SESTD1: variants seen among roughly 807,000 people sequenced by gnomAD.
The protein encoded by SESTD1 is SEC14 and spectrin domain containing 1.
Under a neutral mutation model 101.7 loss-of-function variants are expected in SESTD1, and 43 were observed. That is an observed-to-expected ratio of 0.42 (90% CI 0.33 to 0.55). SESTD1 has a LOEUF of 0.55. SESTD1 is among the 20% of genes least tolerant of loss of function. The pLI is 0.07. For synonymous variants in SESTD1, 283 were observed against 286.8 expected, an observed-to-expected ratio of 0.99 and a Z score of 0.13; for missense variants, 647 against 815.1, an observed-to-expected ratio of 0.79 and a Z score of 2.51.
chr2:179,245,742 CAA>C (rs1250494106), intron 1 of SESTD1, among the ~76,000 whole-genome samples: 1 of 151,776 alleles, frequency 6.6e-6, no homozygotes, highest in African/African-American at 2.4e-5. Flanking sequence ...AGAAAACAGA[CAA>C]AAGAGAAACA....
intron 1 of SESTD1, among the ~76,000 whole-genome samples, chr2:179,247,041 G>A (rs1324860414): frequency 6.6e-6 from 1 of 151,934 alleles, no homozygotes; most frequent in Non-Finnish European, 1.5e-5. Context: ...GATTCCACTT[G>A]GGCACATATT....
chr2:179,240,850 C>T (rs1170632340), intron 1 of SESTD1, among the ~76,000 whole-genome samples: 1 of 152,096 alleles, frequency 6.6e-6, no homozygotes, highest in Non-Finnish European at 1.5e-5. Context: ...ATCCCCCATC[C>T]CTGTTGTGTG....
intron 1 of SESTD1, among the ~76,000 whole-genome samples, chr2:179,207,266 C>A (rs776968990): frequency 7.4e-6 from 1 of 135,090 alleles, no homozygotes; most frequent in Non-Finnish European, 1.6e-5. Flanking sequence ...CACCTCCTGG[C>A]TGGACGCCAA....
chr2:179,231,870 T>C (rs2046993592), intron 1 of SESTD1, among the ~76,000 whole-genome samples: 1 of 151,968 alleles, frequency 6.6e-6, no homozygotes, highest in Non-Finnish European at 1.5e-5. Flanking sequence ...AGAAACACTG[T>C]TTAACGTTAG....
chr2:179,231,087 A>G (rs1234180683), intron 1 of SESTD1, among the ~76,000 whole-genome samples: 3 of 152,194 alleles, frequency 2.0e-5, no homozygotes, highest in African/African-American at 7.2e-5. Context: ...TGTACTACCA[A>G]TATTAAGGCT....
intron 17 of SESTD1, among the ~76,000 whole-genome samples, chr2:179,111,851 C>T (rs1306580504): frequency 3.9e-5 from 6 of 151,936 alleles, no homozygotes; most frequent in Non-Finnish European, 2.9e-5. Flanking sequence ...TCCCGAGTAG[C>T]TGGGACTACA....
In SESTD1 at chr2:179,218,244, A is replaced by G. The variant is rs181832783; in HGVS notation, c.-25-26378T>C. Among the ~76,000 whole-genome samples, 644 of 152,300 alleles carry G rather than the reference A, an allele frequency of 4.2e-3. 2 individuals are homozygous for G. Among genetic ancestry groups the G allele is most frequent in the African/African-American group, 0.014 (594 of 41,566 alleles). ...TACTCTCAAACAAGGAATGAAGCCA[A>G]TAACAGACATTCACCTAATATGAAA... is the stretch of plus-strand genomic sequence containing the variant. On this transcript the variant is annotated intron_variant, in intron 1 of 17. Coordinates refer to ENST00000428443, the MANE Select transcript of SESTD1 (RefSeq NM_178123.5).
chr2:179,241,545 C>T (rs1229826391), intron 1 of SESTD1, among the ~76,000 whole-genome samples: 1 of 152,002 alleles, frequency 6.6e-6, no homozygotes, highest in Non-Finnish European at 1.5e-5. Context: ...AATGAAGTGG[C>T]TCATGATGGG....
rs2044656163 is a variant in SESTD1 at position 179,117,386 on chromosome 2, G to T, written c.1524+146C>A. On this transcript the variant is annotated intron_variant, in intron 14 of 17. Coordinates refer to ENST00000428443, the MANE Select transcript of SESTD1 (RefSeq NM_178123.5). The stretch of plus-strand genomic sequence containing the variant: ...ATCAACTAGCTGGGAATACCAAAGT[G>T]TATTCTTCAACAAGATAGATAAACT... 1.1e-5 allele frequency: 7 copies of T among 609,184 alleles called. No individual in the cohort carries two copies. In the South Asian group the frequency reaches 1.2e-4, roughly 11 times the overall value. The allele number at this position is 609,184 out of a possible 1,614,324, so 37.7% of individuals were successfully genotyped here.
chr2:179,112,186 CCA>C (rs1185866943), intron 17 of SESTD1, among the ~76,000 whole-genome samples: 1 of 152,124 alleles, frequency 6.6e-6, no homozygotes, highest in Non-Finnish European at 1.5e-5. Context: ...GGGTTTGGAG[CCA>C]CACAGACATA....
chr2:179,243,981 CAAAT>C, intron 1 of SESTD1, among the ~76,000 whole-genome samples: 1 of 149,912 alleles, frequency 6.7e-6, no homozygotes, highest in East Asian at 2.0e-4. Context: ...CACACACACA[CAAAT>C]GAGGTGGTGT....
At chr2:179,139,331 A>C (rs2045225211) in intron 9 of SESTD1, among the ~76,000 whole-genome samples, 1 of 152,174 alleles carries the variant, frequency 6.6e-6, no homozygotes, top group Admixed American at 6.5e-5. Flanking sequence ...TGACTCCTTC[A>C]AACTTCCTGA....
intron 1 of SESTD1, among the ~76,000 whole-genome samples, chr2:179,218,309 T>G (rs2046754897): frequency 1.3e-5 from 2 of 151,794 alleles, no homozygotes; most frequent in African/African-American, 2.4e-5. Flanking sequence ...AAAAAAAAAC[T>G]TGTCTTGTAA....
chr2:179,121,839 G>T lies in SESTD1; in HGVS notation c.1373C>A (p.Thr458Asn). 6.2e-7 allele frequency: 1 copy of T among 1,608,532 alleles called. No individual in the cohort carries two copies. The highest frequency in any genetic ancestry group is 8.5e-7 in the Non-Finnish European group (1 of 1,177,538). Residue 458 changes from threonine (T) to asparagine (N), a missense_variant, in exon 13 of 18, where the codon ACC becomes AAC. Thr to Asn is a moderately conservative substitution (Grantham distance 65). Around this residue, in one of 3 missense-constraint regions of SESTD1, gnomAD observed 476 missense variants for 562.6 expected, o/e 0.85. Coordinates refer to ENST00000428443, the MANE Select transcript of SESTD1 (RefSeq NM_178123.5). ...GTCCACATTTTCTTTATTTTCAATG[G>T]TTACATCCTTTCCATAGGCCCAGGA... Reference protein sequence around the residue: ...QASWAYGKDVTIENKENVDHI... With the variant: ...QASWAYGKDVNIENKENVDHI...
chr2:179,162,315 C>T (rs747500853), intron 5 of SESTD1, among the ~76,000 whole-genome samples: 1 of 151,528 alleles, frequency 6.6e-6, no homozygotes, highest in Non-Finnish European at 1.5e-5. Context: ...GGATATAAAT[C>T]CTCTGGAACA....
At position 179,105,618 on chromosome 2, in the gene SESTD1, G is replaced by A. The variant is rs1038320875; in HGVS notation, c.*4281C>T. 1 of 152,050 alleles carries A rather than the reference G, an allele frequency of 6.6e-6. No homozygotes were observed. The highest frequency in any genetic ancestry group is 2.4e-5 in the African/African-American group (1 of 41,398). 9.4% of individuals were successfully genotyped at this position (152,050 alleles called of 1,614,324 possible). A position where few individuals can be genotyped will look rare whatever the true frequency, so the allele number is the denominator to read the frequency against. The stretch of plus-strand genomic sequence containing the variant: ...GCTTGTCATGTGAGACAACAGAAAG[G>A]ATAAAGAATACTCTATTTTTTATTC... On this transcript the variant is annotated 3_prime_UTR_variant, in exon 18 of 18. Coordinates refer to ENST00000428443, the MANE Select transcript of SESTD1 (RefSeq NM_178123.5).
intron 9 of SESTD1, among the ~76,000 whole-genome samples, chr2:179,133,624 C>T (rs1344014328): frequency 6.6e-6 from 1 of 152,164 alleles, no homozygotes; most frequent in Admixed American, 6.5e-5. Flanking sequence ...TAAATCTAAA[C>T]TCAGGATAGC....
rs1174514667 is a variant in SESTD1 at position 179,186,503 on chromosome 2, G to C, written c.56-3315C>G. Among the ~76,000 whole-genome samples the C allele has an allele frequency of 2.6e-5, 4 of 152,084 alleles. No homozygotes were observed. In the East Asian group the frequency reaches 5.8e-4, roughly 22 times the overall value. On this transcript the variant is annotated intron_variant, in intron 2 of 17. Transcript: ENST00000428443. The stretch of plus-strand genomic sequence containing the variant: ...AGAGGAAGATGGAAGAAAAAAGCTA[G>C]AAGACAGTTATCATAAAAACTAATT...
Position 179,210,208 on chromosome 2 carries a change from C to T in SESTD1, c.-25-18342G>A, listed in dbSNP as rs994478157. Among the ~76,000 whole-genome samples the T allele has an allele frequency of 1.0e-4, 14 of 133,926 alleles. 3 individuals carry two copies. The highest frequency in any genetic ancestry group is 3.8e-4 in the African/African-American group (13 of 33,828). 87.9% of individuals were successfully genotyped at this position (133,926 alleles called of 152,430 possible). A position where few individuals can be genotyped will look rare whatever the true frequency, so the allele number is the denominator to read the frequency against. Reference sequence around the variant, plus strand: ...TGAAACAGTAATTTAAAAATTCCAACGAAAGAAGTTGAGGACTAGATGGAT... The same window carrying T: ...TGAAACAGTAATTTAAAAATTCCAATGAAAGAAGTTGAGGACTAGATGGAT... On this transcript the variant is annotated intron_variant, in intron 1 of 17. Transcript: ENST00000428443.
Sources: gnomAD v4.1 joint callset for allele counts (sites outside exome capture counted in the v4.1 genomes callset) on GRCh38, gnomAD v4.1.1 for gene constraint, gnomAD v4.1.1 regional missense constraint, MANE v1.5 for transcripts, NCBI Gene and HGNC (gene_info 2026-07-23, HGNC 2026-07-21) for gene names.